The following FCGR2B variants were observed in gnomAD, a reference collection of about 807,000 sequenced individuals.
FCGR2B encodes Fc gamma receptor IIb.
In FCGR2B, 18 loss-of-function variants were observed where a neutral mutation model predicts 24.8. The observed-to-expected ratio is 0.73, with a 90% CI of 0.50 to 1.08. The LOEUF (loss-of-function observed/expected upper bound fraction) is 1.08. Among genes scored for constraint, FCGR2B ranks in the 50% least tolerant of loss-of-function variants. FCGR2B has a pLI of 0.00. For missense variants in FCGR2B, 215 were observed against 297.6 expected, an observed-to-expected ratio of 0.72 and a Z score of 2.04; for synonymous variants, 79 against 109.8, an observed-to-expected ratio of 0.72 and a Z score of 1.75.
chr1:161,677,235 A>T (rs1682224930), intron 6 of FCGR2B, 93 bp from the exon 7 acceptor site: 6 of 1,229,270 alleles, frequency 4.9e-6, no homozygotes, highest in Non-Finnish European at 7.2e-6. Flanking sequence ...CTTTGGCTCT[A>T]GTTTGGGCGT....
At chr1:161,676,905 C>A in intron 6 of FCGR2B, 1 of 235,796 alleles carries the variant, frequency 4.2e-6, no homozygotes, top group Non-Finnish European at 8.2e-6. Flanking sequence ...AGATGCACTA[C>A]ATTTAGACAA....
chr1:161,661,195 AAAGAAAGAAAG>A (rs1681008235), upstream of FCGR2B, among the ~76,000 whole-genome samples: 1 of 22,444 alleles, frequency 4.5e-5, no homozygotes, highest in African/African-American at 2.6e-4. Context: ...GAAAGGAAAG[AAAGAAAGAAAG>A]AAAGAAAGAA....
At position 161,673,173 on chromosome 1, in the gene FCGR2B, C is replaced by G. The variant is rs1681832479; in HGVS notation, c.590C>G (p.Thr197Arg). ...AGTCACAGTGGTGATTACCACTGCACAGGAAACATAGGCTACACGCTGTAC... is the reference window on the plus strand; with the variant it reads ...AGTCACAGTGGTGATTACCACTGCAGAGGAAACATAGGCTACACGCTGTAC... Reference protein sequence around the residue: ...NHSHSGDYHCTGNIGYTLYSS... With the variant: ...NHSHSGDYHCRGNIGYTLYSS... The change falls in exon 4 of 8, where the codon ACA becomes AGA. Residue 197 changes from threonine to arginine, a missense_variant. By Grantham distance (71) the Thr-to-Arg change is moderately conservative (BLOSUM62 -1). This residue lies in a region of FCGR2B where 16 missense variants were observed against 46.6 expected (regional missense o/e 0.34). Transcript: ENST00000358671. 1 of 1,611,548 alleles carries G rather than the reference C, an allele frequency of 6.2e-7. No individual in the cohort carries two copies. Among genetic ancestry groups the G allele is most frequent in the East Asian group, 2.2e-5 (1 of 44,852 alleles).
chr1:161,648,847 G>C, the FCGR2B span, among the ~76,000 whole-genome samples: 1 of 150,628 alleles, frequency 6.6e-6, no homozygotes, highest in Middle Eastern at 3.4e-3. Context: ...ACACCAGCAT[G>C]CCTGACTAAT....
At chr1:161,674,908 A>G (rs1681983354) in intron 5 of FCGR2B, 1 of 203,770 alleles carries the variant, frequency 4.9e-6, no homozygotes, top group Non-Finnish European at 9.7e-6. Context: ...CAATTGGTTC[A>G]TAGCCAACAC....
chr1:161,676,715 G>A (rs1173599733), intron 6 of FCGR2B: 3 of 153,618 alleles, frequency 2.0e-5, no homozygotes, highest in African/African-American at 7.2e-5. Flanking sequence ...CAGATATGGG[G>A]CTGCTTTTCA....
intron 6 of FCGR2B, chr1:161,676,870 A>G (rs954831089): frequency 1.1e-5 from 2 of 184,232 alleles, no homozygotes; most frequent in African/African-American, 4.8e-5. Flanking sequence ...GCCATGGAGT[A>G]CCATATTTTT....
the FCGR2B span, among the ~76,000 whole-genome samples, chr1:161,654,907 T>TTG: frequency 7.2e-6 from 1 of 138,382 alleles, no homozygotes; most frequent in African/African-American, 2.5e-5. Context: ...CAGGTTTTTT[T>TTG]GGGGGGTGTT....
At chr1:161,651,793 C>T in the FCGR2B span, among the ~76,000 whole-genome samples, 1 of 122,622 alleles carries the variant, frequency 8.2e-6, no homozygotes, top group Non-Finnish European at 1.9e-5. Flanking sequence ...ATTAGCCAGT[C>T]GTGATGGCGC....
the FCGR2B span, among the ~76,000 whole-genome samples, chr1:161,652,060 G>A: frequency 7.9e-6 from 1 of 127,288 alleles, no homozygotes; most frequent in African/African-American, 2.6e-5. Context: ...GTGTGTGTGT[G>A]TGTGTGTGTG....
intron 3 of FCGR2B, 154 bp downstream of exon 3, chr1:161,671,803 A>G (rs1267114119): frequency 4.7e-5 from 67 of 1,422,104 alleles, no homozygotes; most frequent in Non-Finnish European, 6.2e-5. Flanking sequence ...TTTTTGCCTC[A>G]GTTCTGATTG....
At chr1:161,673,597 A>C (rs2102670620) in intron 4 of FCGR2B, 1 of 668,622 alleles carries the variant, frequency 1.5e-6, no homozygotes, top group African/African-American at 1.8e-5. Context: ...TTCACTCCAG[A>C]AAGCCTGGCA....
intron 3 of FCGR2B, 174 bp from the exon 4 acceptor site, chr1:161,672,801 A>G: frequency 9.3e-7 from 1 of 1,077,682 alleles, no homozygotes; most frequent in South Asian, 1.7e-5. Context: ...CAGAAGACTT[A>G]AATTATTTGC....
At chr1:161,675,473 C>G (rs1682041993) in intron 6 of FCGR2B, 160 bp downstream of exon 6, 2 of 521,994 alleles carry the variant, frequency 3.8e-6, no homozygotes, top group African/African-American at 2.0e-5. Flanking sequence ...AGCTCTTAGT[C>G]TAACTCCTGG....
chr1:161,647,642 G>A, the FCGR2B span, among the ~76,000 whole-genome samples: 1 of 150,714 alleles, frequency 6.6e-6, no homozygotes, highest in Non-Finnish European at 1.5e-5. Context: ...TAGACCATTA[G>A]TTGGCTGTTT....
In FCGR2B at chr1:161,673,040, C is replaced by T. The variant is rs1456441453; in HGVS notation, c.457C>T (p.His153Tyr). 2 of 1,612,766 alleles carry T rather than the reference C, an allele frequency of 1.2e-6. No homozygotes were observed. The highest frequency in any genetic ancestry group is 1.7e-5 in the Admixed American group (1 of 59,786). ...QEGETIVLRC[H>Y]SWKDKPLVKV... ...GGGAGAAACCATCGTGCTGAGGTGC[C>T]ACAGCTGGAAGGACAAGCCTCTGGT... Residue 153 changes from histidine (H) to tyrosine (Y), a missense_variant, in exon 4 of 8, where the codon CAC becomes TAC. Transcript: ENST00000358671.
chr1:161,653,941 C>CTA, the FCGR2B span, among the ~76,000 whole-genome samples: 1 of 127,422 alleles, frequency 7.8e-6, no homozygotes, highest in Non-Finnish European at 1.8e-5. Context: ...ACTGACTTGG[C>CTA]TGCGTGAAGA....
At chr1:161,653,022 G>A in the FCGR2B span, among the ~76,000 whole-genome samples, 6 of 134,104 alleles carry the variant, frequency 4.5e-5, no homozygotes, top group African/African-American at 1.5e-4. Context: ...GAGTACTTTT[G>A]CTTCTTATTC....
chr1:161,669,502 G>A (rs1681489396), intron 1 of FCGR2B, among the ~76,000 whole-genome samples: 2 of 142,376 alleles, frequency 1.4e-5, no homozygotes, highest in South Asian at 2.5e-4. Context: ...CCTGGGAGGC[G>A]GAGGTTGCAG....
Sources: allele counts gnomAD v4.1 joint callset (sites outside exome capture counted in the v4.1 genomes callset), GRCh38; gene constraint gnomAD v4.1.1; regional missense constraint gnomAD v4.1.1; transcripts MANE v1.5; gene names NCBI Gene and HGNC (gene_info 2026-07-23, HGNC 2026-07-21).